The following BZW2 variants were observed in gnomAD, a reference collection of about 807,000 sequenced individuals.
BZW2 encodes basic leucine zipper and W2 domains 2.
A neutral mutation model predicts 53.2 loss-of-function variants in BZW2; 23 were observed. That is an observed-to-expected ratio of 0.43 (90% confidence interval 0.31 to 0.61). The LOEUF (loss-of-function observed/expected upper bound fraction) is 0.61, where lower values mean the gene tolerates loss of function less well. Among genes scored for constraint, BZW2 ranks in the 20% least tolerant of loss-of-function variants. The pLI is 0.09. For synonymous variants in BZW2, 227 were observed against 186.4 expected, an observed-to-expected ratio of 1.22 and a Z score of -1.77; for missense variants, 409 against 503.1, an observed-to-expected ratio of 0.81 and a Z score of 1.79.
At chr7:16,699,717 G>T (rs904104172) in intron 10 of BZW2, among the ~76,000 whole-genome samples, 2 of 151,946 alleles carry the variant, frequency 1.3e-5, no homozygotes, top group Non-Finnish European at 2.9e-5. Context: ...CCATTGTTAC[G>T]GGAAATGACA....
At chr7:16,671,109 AT>A (rs1381399982) in intron 2 of BZW2, among the ~76,000 whole-genome samples, 2 of 152,026 alleles carry the variant, frequency 1.3e-5, no homozygotes. Context: ...CTAGTTCTTG[AT>A]TTTTTCTGTT....
chr7:16,697,287 C>T (rs527619652), intron 9 of BZW2, among the ~76,000 whole-genome samples: 10 of 152,248 alleles, frequency 6.6e-5, no homozygotes, highest in African/African-American at 1.2e-4. Flanking sequence ...GATGTAGTCT[C>T]GCTGTGTTGC....
intron 2 of BZW2, among the ~76,000 whole-genome samples, chr7:16,671,710 C>A (rs1262879760): frequency 6.6e-6 from 1 of 152,074 alleles, no homozygotes; most frequent in Non-Finnish European, 1.5e-5. Context: ...GCAGGTGGAT[C>A]TTTTGAGGCC....
At chr7:16,650,533 A>T (rs1233854753) in intron 1 of BZW2, among the ~76,000 whole-genome samples, 1 of 152,208 alleles carries the variant, frequency 6.6e-6, no homozygotes. Flanking sequence ...GCTTAGCTGA[A>T]TACTTAATCT....
chr7:16,681,411 C>G lies in BZW2; in HGVS notation c.339+7C>G. The G allele has an allele frequency of 1.2e-6, 2 of 1,609,812 alleles. No homozygotes were observed. Among genetic ancestry groups the G allele is most frequent in the South Asian group, 1.1e-5 (1 of 90,794 alleles). On this transcript the variant is annotated splice_region_variant and intron_variant, in intron 4 of 11. Transcript: ENST00000258761. Reference sequence around the variant, plus strand: ...CATCCGAAACTATGCTCAGGTAGAGCCTGTTTGAGAGACTGAAGCATTTGA... The same window carrying G: ...CATCCGAAACTATGCTCAGGTAGAGGCTGTTTGAGAGACTGAAGCATTTGA...
chr7:16,692,790 G>A (rs1264925706), intron 7 of BZW2, among the ~76,000 whole-genome samples: 1 of 152,074 alleles, frequency 6.6e-6, no homozygotes. Context: ...AAATTAAGTA[G>A]GAAAGAGTTA....
intron 7 of BZW2, 46 bp from the exon 8 acceptor site, chr7:16,694,788 A>G: frequency 7.1e-7 from 1 of 1,416,458 alleles, no homozygotes; most frequent in East Asian, 2.3e-5. Context: ...ATGCTTGCTG[A>G]AATTTGAATG....
intron 3 of BZW2, among the ~76,000 whole-genome samples, chr7:16,680,363 T>C (rs904973272): frequency 6.6e-6 from 1 of 152,348 alleles, no homozygotes; most frequent in East Asian, 1.9e-4. Context: ...ATAAATGTTG[T>C]TCTTTGCTTC....
intron 7 of BZW2, among the ~76,000 whole-genome samples, chr7:16,693,464 G>A (rs1255040428): frequency 6.6e-6 from 1 of 152,178 alleles, no homozygotes; most frequent in Non-Finnish European, 1.5e-5. Context: ...TTCCTAAATA[G>A]AATATTGAAT....
At chr7:16,678,705 A>G (rs1441006611) in intron 3 of BZW2, among the ~76,000 whole-genome samples, 2 of 152,178 alleles carry the variant, frequency 1.3e-5, no homozygotes. Flanking sequence ...GTTCCATATC[A>G]GGGGAACCAG....
intron 7 of BZW2, 54 bp from the exon 8 acceptor site, chr7:16,694,780 G>C: frequency 1.4e-6 from 2 of 1,381,684 alleles, no homozygotes; most frequent in Non-Finnish European, 1.9e-6. Flanking sequence ...TGTCCTTTAT[G>C]CTTGCTGAAA....
intron 6 of BZW2, 48 bp downstream of exon 6, chr7:16,686,088 A>G (rs749488517): frequency 2.5e-6 from 4 of 1,601,204 alleles, no homozygotes; most frequent in Middle Eastern, 3.3e-4. Context: ...AAAGAAAAAT[A>G]AAGTCACAGA....
chr7:16,705,875 C>T (rs560431616), intron 11 of BZW2, among the ~76,000 whole-genome samples, 185 bp from the exon 12 acceptor site: 1 of 151,588 alleles, frequency 6.6e-6, no homozygotes, highest in African/African-American at 2.4e-5. Context: ...GCAAAATTTA[C>T]GTGAAAGCAG....
chr7:16,693,072 AAGAT>A (rs1783365546), intron 7 of BZW2, among the ~76,000 whole-genome samples: 1 of 152,204 alleles, frequency 6.6e-6, no homozygotes, highest in Non-Finnish European at 1.5e-5. Context: ...TATTCCAAAT[AAGAT>A]AGAAAACTTT....
At chr7:16,676,460 A>G (rs1462119042) in intron 3 of BZW2, among the ~76,000 whole-genome samples, 1 of 152,178 alleles carries the variant, frequency 6.6e-6, no homozygotes, top group Non-Finnish European at 1.5e-5. Flanking sequence ...AGGCAGGAGA[A>G]TCTCTTGAAT....
chr7:16,660,006 C>G (rs569384061), intron 1 of BZW2, among the ~76,000 whole-genome samples: 1 of 151,898 alleles, frequency 6.6e-6, no homozygotes, highest in African/African-American at 2.4e-5. Context: ...CCCCCTCCCC[C>G]ACCCCACAAC....
At chr7:16,702,499 A>G (rs575216552) in intron 10 of BZW2, among the ~76,000 whole-genome samples, 3 of 152,324 alleles carry the variant, frequency 2.0e-5, no homozygotes, top group African/African-American at 7.2e-5. Context: ...TAACTTAAGA[A>G]TATCAAGGCA....
chr7:16,655,457 T>C (rs1231097616), intron 1 of BZW2, among the ~76,000 whole-genome samples: 10 of 152,248 alleles, frequency 6.6e-5, no homozygotes, highest in Non-Finnish European at 1.3e-4. Flanking sequence ...ATATACATTG[T>C]GTAATAATTA....
chr7:16,668,037 T>C (rs1360690571), intron 2 of BZW2, among the ~76,000 whole-genome samples: 6 of 152,212 alleles, frequency 3.9e-5, no homozygotes, highest in Non-Finnish European at 1.5e-5. Context: ...GAAACCTAAT[T>C]ACAGTGAAGG....
Sources: allele counts gnomAD v4.1 joint callset (sites outside exome capture counted in the v4.1 genomes callset), GRCh38; gene constraint gnomAD v4.1.1; transcripts MANE v1.5; gene names NCBI Gene and HGNC (gene_info 2026-07-23, HGNC 2026-07-21).